Variants in DCAKD observed in about 807,000 individuals in gnomAD.
The protein encoded by DCAKD is dephospho-CoA kinase domain-containing protein.
A neutral mutation model predicts 18.7 loss-of-function variants in DCAKD; 15 were observed. The ratio of observed to expected loss-of-function variants is 0.80; its 90% CI spans 0.54 to 1.24. The LOEUF is 1.24. Ranked by LOEUF, DCAKD falls within the 50% of genes most tolerant of loss-of-function variation. The probability of loss-of-function intolerance (pLI) is 0.00; values close to 1 mark genes in which losing one functional copy is unlikely to be tolerated. For missense variants in DCAKD, 301 were observed against 322.0 expected (o/e 0.93, Z 0.50); for synonymous variants, 130 against 133.0 (o/e 0.98, Z 0.16).
intron 1 of DCAKD, among the ~76,000 whole-genome samples, chr17:45,036,779 G>A (rs2053310341): frequency 6.6e-6 from 1 of 152,118 alleles, no homozygotes; most frequent in African/African-American, 2.4e-5. Flanking sequence ...ACCATGTCTT[G>A]GACTTTGTTC....
intron 4 of DCAKD, among the ~76,000 whole-genome samples, chr17:45,029,678 C>G (rs898968004): frequency 6.6e-6 from 1 of 152,118 alleles, no homozygotes; most frequent in Non-Finnish European, 1.5e-5. Flanking sequence ...TCTGTAACTG[C>G]CCCCTCTTTA....
intron 4 of DCAKD, 58 bp from the exon 5 acceptor site, chr17:45,024,782 G>A (rs2053020562): frequency 1.3e-6 from 2 of 1,509,300 alleles, no homozygotes; most frequent in East Asian, 2.3e-5. Flanking sequence ...CCAAGTTACA[G>A]GGATAGGCAG....
At chr17:45,030,371 G>A (rs558314912) in intron 3 of DCAKD, among the ~76,000 whole-genome samples, 192 bp from the exon 4 acceptor site, 3 of 152,346 alleles carry the variant, frequency 2.0e-5, no homozygotes, top group African/African-American at 7.2e-5. Flanking sequence ...CTGGATAGCT[G>A]ATCAGGGAAG....
upstream of DCAKD, among the ~76,000 whole-genome samples, chr17:45,055,752 C>G (rs929271272): frequency 6.6e-6 from 1 of 152,190 alleles, no homozygotes; most frequent in African/African-American, 2.4e-5. Flanking sequence ...AACTGTTCTA[C>G]CCCTGACTCT....
intron 4 of DCAKD, among the ~76,000 whole-genome samples, chr17:45,025,904 A>G (rs2053045134): frequency 6.6e-6 from 1 of 150,732 alleles, no homozygotes; most frequent in Non-Finnish European, 1.5e-5. Flanking sequence ...GGCATGCGCC[A>G]CTAAGCTCAG....
intron 3 of DCAKD, among the ~76,000 whole-genome samples, chr17:45,030,840 G>A (rs79811178): frequency 0.055 from 8,300 of 152,228 alleles, 305 homozygotes; most frequent in Middle Eastern, 0.082. Flanking sequence ...GAGTCAGAGC[G>A]GGCAGTTATG....
chr17:45,046,017 G>T (rs1173508254), intron 1 of DCAKD, among the ~76,000 whole-genome samples: 1 of 151,822 alleles, frequency 6.6e-6, no homozygotes, highest in Non-Finnish European at 1.5e-5. Context: ...AGTAGAGACG[G>T]GATTTCACCA....
intron 1 of DCAKD, among the ~76,000 whole-genome samples, chr17:45,046,874 T>G (rs946445628): frequency 2.0e-5 from 3 of 151,990 alleles, no homozygotes; most frequent in African/African-American, 7.3e-5. Context: ...TGAGGTGAGG[T>G]GCACGGTCCC....
chr17:45,050,721 CA>C (rs2053674930), intron 1 of DCAKD, among the ~76,000 whole-genome samples: 1 of 151,764 alleles, frequency 6.6e-6, no homozygotes, highest in Non-Finnish European at 1.5e-5. Context: ...AAAACATATT[CA>C]AAGGCTTCCA....
chr17:45,036,227 A>G (rs1008570182), intron 1 of DCAKD, among the ~76,000 whole-genome samples: 1 of 152,054 alleles, frequency 6.6e-6, no homozygotes, highest in Non-Finnish European at 1.5e-5. Flanking sequence ...GGATCATAAG[A>G]CTGCCTTGGC....
chr17:45,036,774 G>A (rs769023291), intron 1 of DCAKD, among the ~76,000 whole-genome samples: 1 of 152,180 alleles, frequency 6.6e-6, no homozygotes, highest in Admixed American at 6.5e-5. Context: ...AGGTTACCAT[G>A]TCTTGGACTT....
At chr17:45,060,091 G>A (rs1011538656) in intron 1 of DCAKD, among the ~76,000 whole-genome samples, 1 of 152,064 alleles carries the variant, frequency 6.6e-6, no homozygotes, top group African/African-American at 2.4e-5. Context: ...GAGTCAGAGA[G>A]AGACTCCGTC....
chr17:45,046,393 T>G lies in DCAKD; in HGVS notation c.-115+4968A>C, dbSNP rs537146433. On this transcript the variant is annotated intron_variant, in intron 1 of 4. Coordinates refer to ENST00000651974, the MANE Select transcript of DCAKD (RefSeq NM_001288655.2). ...AGCACTTTGGGAGGCCAAGGAGGGC[T>G]GATCACGAGGTCAGGAATTTGAGAC... is the stretch of plus-strand genomic sequence containing the variant. Among the ~76,000 whole-genome samples the G allele has an allele frequency of 3.9e-5, 6 of 152,062 alleles. No homozygotes were observed. In the South Asian group the frequency reaches 1.2e-3, roughly 32 times the overall value.
chr17:45,043,246 ACT>A (rs1207296626), intron 1 of DCAKD, among the ~76,000 whole-genome samples: 1 of 147,690 alleles, frequency 6.8e-6, no homozygotes, highest in Non-Finnish European at 1.5e-5. Flanking sequence ...ACAGAGTGAG[ACT>A]CTGTCTCCAA....
rs138317099 is a variant in DCAKD at position 45,026,064 on chromosome 17, G to A, written c.405-1340C>T. Among the ~76,000 whole-genome samples the A allele has an allele frequency of 5.6e-3, 850 of 151,806 alleles. 7 individuals carry two copies. The highest frequency in any genetic ancestry group is 8.4e-3 in the Non-Finnish European group (573 of 67,932). ...CTCCCAAGTAGCTGGGATTACAGGC[G>A]TGCAACACCATGCCCAGCTAATTTT... On this transcript the variant is annotated intron_variant, in intron 4 of 4. Coordinates refer to ENST00000651974, the MANE Select transcript of DCAKD (RefSeq NM_001288655.2).
At chr17:45,031,611 A>C (rs2053172067) in intron 3 of DCAKD, 1 of 985,276 alleles carries the variant, frequency 1.0e-6, no homozygotes, top group South Asian at 4.7e-5. Flanking sequence ...AGAAGCCAAG[A>C]CTAGATCCTC....
upstream of DCAKD, among the ~76,000 whole-genome samples, chr17:45,055,390 A>ATTTT (rs1555602809): frequency 9.2e-6 from 1 of 108,652 alleles, no homozygotes; most frequent in Non-Finnish European, 2.0e-5. Context: ...TTATTTATTT[A>ATTTT]TTTTTGAGAC....
rs143606066 is a variant in DCAKD, at chr17:45,039,131, G to A, written c.-114-4132C>T. ...ACTTGGCTGCGCACAGATCTACTGG[G>A]ATCTGCCAGGGAGGAAGTTGCAGCC... is the stretch of plus-strand genomic sequence containing the variant. On this transcript the variant is annotated intron_variant, in intron 1 of 4. Transcript: ENST00000651974. Among the ~76,000 whole-genome samples, 1,254 of 152,290 alleles carry A rather than the reference G, an allele frequency of 8.2e-3. 16 individuals are homozygous for A. The highest frequency in any genetic ancestry group is 0.014 in the Non-Finnish European group (980 of 68,024).
At chr17:45,050,353 A>AT (rs1245970657) in intron 1 of DCAKD, among the ~76,000 whole-genome samples, 2 of 152,028 alleles carry the variant, frequency 1.3e-5, no homozygotes. Flanking sequence ...CCAGAGGGTA[A>AT]TTTTCAAAAC....
Sources: allele counts gnomAD v4.1 joint callset (sites outside exome capture counted in the v4.1 genomes callset), GRCh38; gene constraint gnomAD v4.1.1; transcripts MANE v1.5; gene names NCBI Gene and HGNC (gene_info 2026-07-23, HGNC 2026-07-21).